CSMD1: variants seen among roughly 807,000 people sequenced by gnomAD.
The protein encoded by CSMD1 is CUB and Sushi multiple domains 1, also known as CUB and sushi domain-containing protein 1.
CSMD1 carries 213 observed loss-of-function variants against 417.5 expected under a neutral mutation model. The ratio of observed to expected loss-of-function variants is 0.51; its 90% CI spans 0.46 to 0.57. CSMD1 has a LOEUF of 0.57. Ranked by LOEUF, CSMD1 falls within the 20% of genes least tolerant of loss-of-function variation. CSMD1 has a pLI of 0.00. For synonymous variants in CSMD1, 2,862 were observed against 1,736.8 expected, an observed-to-expected ratio of 1.65 and a Z score of -16.11; for missense variants, 6,923 against 4,529.7, an observed-to-expected ratio of 1.53 and a Z score of -15.17.
intron 3 of CSMD1, among the ~76,000 whole-genome samples, chr8:4,112,038 C>G (rs535829751): frequency 1.3e-5 from 2 of 151,468 alleles, no homozygotes; most frequent in East Asian, 3.9e-4. Context: ...TAAAAATCTA[C>G]TTTATGTTAA....
chr8:3,869,525 T>C (rs35413496), intron 5 of CSMD1, among the ~76,000 whole-genome samples: 12,155 of 152,186 alleles, frequency 0.08, 547 homozygotes, highest in South Asian at 0.16. Context: ...TTAACAATAT[T>C]TTATCATTTC....
At chr8:4,577,689 T>C (rs900054760) in intron 2 of CSMD1, among the ~76,000 whole-genome samples, 9 of 152,216 alleles carry the variant, frequency 5.9e-5, no homozygotes, top group Admixed American at 1.3e-4. Flanking sequence ...AGAGGACAAA[T>C]TGCTCCTTCA....
At chr8:4,586,834 T>G (rs1437968157) in intron 2 of CSMD1, among the ~76,000 whole-genome samples, 1 of 152,302 alleles carries the variant, frequency 6.6e-6, no homozygotes, top group South Asian at 2.1e-4. Context: ...GCACGCACAG[T>G]AGGATCATGG....
At chr8:4,534,498 G>A (rs1797000866) in intron 2 of CSMD1, among the ~76,000 whole-genome samples, 1 of 152,134 alleles carries the variant, frequency 6.6e-6, no homozygotes, top group African/African-American at 2.4e-5. Context: ...ATACAGCGGG[G>A]TACAGGTGTA....
At chr8:4,284,710 C>G (rs945141228) in intron 3 of CSMD1, among the ~76,000 whole-genome samples, 1 of 152,114 alleles carries the variant, frequency 6.6e-6, no homozygotes, top group Admixed American at 6.5e-5. Context: ...ATTTGGATTT[C>G]TACGACTCCC....
At chr8:3,672,964 C>G (rs989773761) in intron 7 of CSMD1, among the ~76,000 whole-genome samples, 5 of 152,200 alleles carry the variant, frequency 3.3e-5, no homozygotes, top group African/African-American at 1.2e-4. Flanking sequence ...TCTCGTTATT[C>G]CTATGCCTTA....
At chr8:3,070,053 G>C (rs1432031366) in intron 49 of CSMD1, among the ~76,000 whole-genome samples, 3 of 152,236 alleles carry the variant, frequency 2.0e-5, no homozygotes, top group East Asian at 1.9e-4. Flanking sequence ...GATGGAGCCA[G>C]AACAGCCAGT....
At chr8:3,023,533 G>C (rs1809614009) in intron 51 of CSMD1, among the ~76,000 whole-genome samples, 1 of 152,130 alleles carries the variant, frequency 6.6e-6, no homozygotes, top group South Asian at 2.1e-4. Flanking sequence ...GGACAGGACT[G>C]CAGAGCTCAC....
At chr8:4,317,475 G>C (rs1027102954) in intron 3 of CSMD1, among the ~76,000 whole-genome samples, 26 of 152,120 alleles carry the variant, frequency 1.7e-4, no homozygotes, top group African/African-American at 5.6e-4. Flanking sequence ...CCAGTGTAAG[G>C]CATGTACATG....
At chr8:4,453,212 CAGAG>C (rs899312350) in intron 2 of CSMD1, among the ~76,000 whole-genome samples, 3 of 100,458 alleles carry the variant, frequency 3.0e-5, no homozygotes, top group African/African-American at 1.1e-4. Flanking sequence ...CAGACACACA[CAGAG>C]ACACACACAC....
In CSMD1 at chr8:4,331,278, G is replaced by C. The variant is rs533817756; in HGVS notation, c.415+88675C>G. Reference sequence around the variant, plus strand: ...GAAGCCAGGGAACTCGGTGACACAAGGTGCTGAATGGCAGAAGCATCATGC... The same window carrying C: ...GAAGCCAGGGAACTCGGTGACACAACGTGCTGAATGGCAGAAGCATCATGC... On this transcript the variant is annotated intron_variant, in intron 3 of 69. Coordinates refer to ENST00000635120, the MANE Select transcript of CSMD1 (RefSeq NM_033225.6). Among the ~76,000 whole-genome samples the C allele has an allele frequency of 2.6e-3, 391 of 152,200 alleles. 2 individuals carry two copies. The highest frequency in any genetic ancestry group is 4.6e-3 in the Non-Finnish European group (313 of 68,020).
intron 25 of CSMD1, among the ~76,000 whole-genome samples, chr8:3,288,714 C>T (rs1278206925): frequency 6.8e-6 from 1 of 146,690 alleles, no homozygotes; most frequent in Non-Finnish European, 1.5e-5. Flanking sequence ...TTCTTGATAG[C>T]AGTTTATCAA....
At chr8:3,256,321 A>AAAAAG (rs1554487820) in intron 26 of CSMD1, among the ~76,000 whole-genome samples, 1 of 96,424 alleles carries the variant, frequency 1.0e-5, no homozygotes, top group Non-Finnish European at 2.4e-5. Flanking sequence ...AAAAAAAAAA[A>AAAAAG]AAAAGAGAAG....
chr8:3,840,590 G>A (rs1803065170), intron 5 of CSMD1, among the ~76,000 whole-genome samples: 1 of 152,030 alleles, frequency 6.6e-6, no homozygotes, highest in Non-Finnish European at 1.5e-5. Context: ...TAAAACATGT[G>A]AGTGTATGTA....
chr8:3,796,280 T>TA (rs1376526151), intron 5 of CSMD1, among the ~76,000 whole-genome samples: 2 of 64,972 alleles, frequency 3.1e-5, no homozygotes, highest in Non-Finnish European at 7.3e-5. Context: ...TATATATCTA[T>TA]CATGTATAGA....
chr8:3,469,046 G>A (rs1416907785), intron 11 of CSMD1: 24 of 368,204 alleles, frequency 6.5e-5, no homozygotes, highest in South Asian at 3.2e-4. Flanking sequence ...CTGCCAATTC[G>A]TGAATTTTCT....
chr8:4,141,600 G>C (rs561369186), intron 3 of CSMD1, among the ~76,000 whole-genome samples: 3 of 151,118 alleles, frequency 2.0e-5, no homozygotes, highest in East Asian at 3.9e-4. Context: ...AAGAAATGGA[G>C]TTGTAACGAT....
intron 1 of CSMD1, among the ~76,000 whole-genome samples, chr8:4,940,599 G>C (rs1331813178): frequency 1.3e-5 from 2 of 152,140 alleles, no homozygotes; most frequent in South Asian, 2.1e-4. Flanking sequence ...TCAGTGTTTT[G>C]ATTCTGTTTA....
chr8:3,652,388 T>A (rs1797901642), intron 7 of CSMD1, among the ~76,000 whole-genome samples: 1 of 152,218 alleles, frequency 6.6e-6, no homozygotes, highest in African/African-American at 2.4e-5. Context: ...CTTAGCACCA[T>A]CACAAATACG....
Sources: allele counts gnomAD v4.1 joint callset (sites outside exome capture counted in the v4.1 genomes callset), GRCh38; gene constraint gnomAD v4.1.1; transcripts MANE v1.5; gene names NCBI Gene and HGNC (gene_info 2026-07-23, HGNC 2026-07-21).